The following CCDC3 variants were observed in gnomAD, a reference collection of about 807,000 sequenced individuals.
The protein encoded by CCDC3 is coiled-coil domain-containing protein 3.
Under a neutral mutation model 21.4 loss-of-function variants are expected in CCDC3, and 24 were observed. That is an observed-to-expected ratio of 1.12 (90% confidence interval 0.81 to 1.58). The LOEUF is 1.58. Among genes scored for constraint, CCDC3 ranks in the 40% most tolerant of loss-of-function variants. The pLI is 0.00. For missense variants in CCDC3, 425 were observed against 360.9 expected (o/e 1.18, Z -1.44); for synonymous variants, 186 against 166.0 (o/e 1.12, Z -0.93).
chr10:12,946,358 G>A (rs1472456513), intron 2 of CCDC3, among the ~76,000 whole-genome samples: 1 of 152,214 alleles, frequency 6.6e-6, no homozygotes, highest in Non-Finnish European at 1.5e-5. Context: ...TCTCTGTACT[G>A]TGAGTTTCTA....
rs755513864 is a variant in CCDC3, at chr10:12,898,533, A to ACGCGCCTG, written c.688_695dup (p.Lys233ArgfsTer58). ...CCAGCTCCAGGTGGCGGCCCTTCTTACGCGCCTGCCGCAAGGACCTCTTGA... is the reference window on the plus strand; with the variant it reads ...CCAGCTCCAGGTGGCGGCCCTTCTTACGCGCCTGCGCGCCTGCCGCAAGGACCTCTTGA... On this transcript the variant is annotated frameshift_variant, in exon 3 of 3. Transcript: ENST00000378825. LOFTEE classifies it low-confidence loss of function (END_TRUNC). The ACGCGCCTG allele has an allele frequency of 1.9e-6, 3 of 1,614,070 alleles. No individual in the cohort carries two copies. The South Asian group carries it at 3.3e-5, about 18-fold the overall frequency.
rs140825244 is a variant in CCDC3 at position 12,977,770 on chromosome 10, A to G, written c.549+20568T>C. On this transcript the variant is annotated intron_variant, in intron 2 of 2. Coordinates refer to ENST00000378825, the MANE Select transcript of CCDC3 (RefSeq NM_031455.4). ...CTAAGATTTCATCATTAACAGATGCATATCAAGTTCCTATTGTTCATGAAA... is the reference window on the plus strand; with the variant it reads ...CTAAGATTTCATCATTAACAGATGCGTATCAAGTTCCTATTGTTCATGAAA... Among the ~76,000 whole-genome samples, 295 of 152,358 alleles carry G rather than the reference A, an allele frequency of 1.9e-3. 1 individual carries two copies. The highest frequency in any genetic ancestry group is 6.6e-3 in the African/African-American group (274 of 41,582).
chr10:12,947,735 A>G (rs1270887848), intron 2 of CCDC3, among the ~76,000 whole-genome samples: 2 of 152,248 alleles, frequency 1.3e-5, no homozygotes, highest in Non-Finnish European at 2.9e-5. Flanking sequence ...GCAGTAACTA[A>G]TAAATTGATA....
intron 4 of CCDC3, chr10:13,058,361 G>A (rs1243910207): frequency 1.9e-6 from 2 of 1,073,572 alleles, no homozygotes; most frequent in African/African-American, 1.5e-5. Flanking sequence ...AATCCTGTGG[G>A]TCAGCAGCAG....
At chr10:12,987,707 C>A (rs183503934) in intron 2 of CCDC3, among the ~76,000 whole-genome samples, 1 of 152,266 alleles carries the variant, frequency 6.6e-6, no homozygotes, top group Non-Finnish European at 1.5e-5. Context: ...TATTTTGCAG[C>A]ACAAAGCATG....
intron 2 of CCDC3, among the ~76,000 whole-genome samples, chr10:12,923,830 A>G (rs1390822721): frequency 1.3e-5 from 2 of 152,226 alleles, no homozygotes; most frequent in East Asian, 1.9e-4. Context: ...TATTCTGAGC[A>G]TAAAGGTTTC....
At chr10:12,904,350 TC>T (rs1455300814) in intron 2 of CCDC3, among the ~76,000 whole-genome samples, 1 of 151,292 alleles carries the variant, frequency 6.6e-6, no homozygotes, top group East Asian at 1.9e-4. Context: ...ACATCTGTGG[TC>T]CCAGCTACTT....
At chr10:12,932,964 TG>T (rs1834673086) in intron 2 of CCDC3, among the ~76,000 whole-genome samples, 1 of 152,250 alleles carries the variant, frequency 6.6e-6, no homozygotes, top group African/African-American at 2.4e-5. Context: ...TTGCATTAAT[TG>T]ATTTTTGGAT....
At chr10:12,983,796 G>T (rs35679544) in intron 2 of CCDC3, among the ~76,000 whole-genome samples, 364 of 152,130 alleles carry the variant, frequency 2.4e-3, no homozygotes, top group Non-Finnish European at 3.9e-3. Context: ...AAGCCACACT[G>T]AGGCTGGGCG....
intron 2 of CCDC3, among the ~76,000 whole-genome samples, chr10:12,919,937 G>A (rs1375857674): frequency 6.6e-6 from 1 of 152,156 alleles, no homozygotes; most frequent in Non-Finnish European, 1.5e-5. Context: ...CTGATCATGA[G>A]TGGAATTGAG....
chr10:13,071,091 A>G (rs1048190105), intron 4 of CCDC3, among the ~76,000 whole-genome samples: 1 of 152,170 alleles, frequency 6.6e-6, no homozygotes, highest in Non-Finnish European at 1.5e-5. Context: ...TAGGATGCCC[A>G]CCACCCAGAG....
chr10:12,898,362 C>T lies in CCDC3; in HGVS notation c.*54G>A. The T allele has an allele frequency of 6.6e-7, 1 of 1,509,062 alleles. No homozygotes were observed. The highest frequency in any genetic ancestry group is 8.9e-7 in the Non-Finnish European group (1 of 1,124,216). The allele number at this position is 1,509,062 out of a possible 1,614,324, so 93.5% of individuals were successfully genotyped here. A position where few individuals can be genotyped will look rare whatever the true frequency, so the allele number is the denominator to read the frequency against. ...ATAGCTGCATGTACGAAACCTCACT[C>T]ATTCTCAATTACCGTCAGGATTGGC... On this transcript the variant is annotated 3_prime_UTR_variant, in exon 3 of 3. Transcript: ENST00000378825.
At chr10:13,066,846 G>T (rs572624826) in intron 4 of CCDC3, among the ~76,000 whole-genome samples, 1 of 152,178 alleles carries the variant, frequency 6.6e-6, no homozygotes, top group Non-Finnish European at 1.5e-5. Flanking sequence ...TTAGCAGGAA[G>T]CCACCTCACT....
At chr10:12,917,415 C>T (rs1369876579) in intron 2 of CCDC3, among the ~76,000 whole-genome samples, 1 of 151,886 alleles carries the variant, frequency 6.6e-6, no homozygotes, top group Non-Finnish European at 1.5e-5. Flanking sequence ...CCAGGATGGT[C>T]TCGATCTCCT....
chr10:13,024,826 C>T (rs779568025), intron 5 of CCDC3, among the ~76,000 whole-genome samples: 5 of 152,120 alleles, frequency 3.3e-5, no homozygotes, highest in African/African-American at 2.4e-5. Flanking sequence ...CCAAGGCAAC[C>T]GTTCTGTTAC....
At chr10:13,048,068 G>T (rs1259980859) in intron 5 of CCDC3, among the ~76,000 whole-genome samples, 2 of 152,200 alleles carry the variant, frequency 1.3e-5, no homozygotes, top group Non-Finnish European at 2.9e-5. Flanking sequence ...AAGGTGAATT[G>T]AGTAACTATC....
intron 5 of CCDC3, among the ~76,000 whole-genome samples, chr10:13,018,208 C>G (rs1423118635): frequency 2.0e-5 from 3 of 152,138 alleles, no homozygotes; most frequent in African/African-American, 2.4e-5. Flanking sequence ...ATGCCTCTTT[C>G]CCATAGGAAG....
At chr10:13,008,790 C>T (rs1835952878) in intron 5 of CCDC3, among the ~76,000 whole-genome samples, 1 of 152,192 alleles carries the variant, frequency 6.6e-6, no homozygotes, top group Admixed American at 6.5e-5. Context: ...GGAACTTTCT[C>T]AACCTGATAA....
intron 4 of CCDC3, among the ~76,000 whole-genome samples, chr10:13,069,705 G>T (rs1316050140): frequency 2.6e-5 from 4 of 152,192 alleles, no homozygotes; most frequent in Non-Finnish European, 5.9e-5. Flanking sequence ...CTTCAGGTTA[G>T]ATTTTAGAGA....
Sources: allele counts gnomAD v4.1 joint callset (sites outside exome capture counted in the v4.1 genomes callset), GRCh38; gene constraint gnomAD v4.1.1; transcripts MANE v1.5; gene names NCBI Gene and HGNC (gene_info 2026-07-23, HGNC 2026-07-21).